RAD54B: variants seen among roughly 807,000 people sequenced by gnomAD.
The protein encoded by RAD54B is DNA repair and recombination protein RAD54B.
A neutral mutation model predicts 95.8 loss-of-function variants in RAD54B; 78 were observed. That is an observed-to-expected ratio of 0.81 (90% confidence interval 0.68 to 0.98). The LOEUF (loss-of-function observed/expected upper bound fraction) is 0.98, where lower values mean the gene tolerates loss of function less well. Ranked by LOEUF, RAD54B falls within the 50% of genes least tolerant of loss-of-function variation. The probability of loss-of-function intolerance (pLI) is 0.00; values close to 1 mark genes in which losing one functional copy is unlikely to be tolerated. For missense variants in RAD54B, 957 were observed against 1,056.6 expected (o/e 0.91, Z 1.31); for synonymous variants, 328 against 354.9 (o/e 0.92, Z 0.85).
chr8:94,446,202 TA>T (rs1218759184), intron 3 of RAD54B, among the ~76,000 whole-genome samples: 1 of 152,034 alleles, frequency 6.6e-6, no homozygotes, highest in Non-Finnish European at 1.5e-5. Flanking sequence ...AATTGTGGGG[TA>T]GGGGTGATTT....
chr8:94,381,898 G>T (rs1438025150), intron 11 of RAD54B, among the ~76,000 whole-genome samples: 2 of 152,128 alleles, frequency 1.3e-5, no homozygotes, highest in East Asian at 3.9e-4. Context: ...CGGATCACAA[G>T]GTCAGAAGAT....
chr8:94,372,647 T>G (rs556763336), intron 14 of RAD54B, among the ~76,000 whole-genome samples: 1 of 152,138 alleles, frequency 6.6e-6, no homozygotes, highest in Non-Finnish European at 1.5e-5. Context: ...GGGAGAGATA[T>G]ACATTAAATA....
rs757913367 is a variant in RAD54B, at chr8:94,378,609, C to T, written c.2273G>A (p.Gly758Asp). 5.0e-6 allele frequency: 8 copies of T among 1,610,160 alleles called. No homozygotes were observed. In the Middle Eastern group the frequency reaches 1.2e-3, roughly 233 times the overall value. ...GTAAATATGTACAGGATATTTCTGA[C>T]CATCTCTCCATACTCTAGACATTGC... is the stretch of plus-strand genomic sequence containing the variant. ...IQAMSRVWRD[G>D]QKYPVHIYRL... The change falls in exon 13 of 15, where the codon GGT becomes GAT. Residue 758 changes from glycine to aspartate, a missense_variant. Transcript: ENST00000336148.
At chr8:94,419,223 A>C (rs975060936) in intron 3 of RAD54B, among the ~76,000 whole-genome samples, 3 of 152,212 alleles carry the variant, frequency 2.0e-5, no homozygotes, top group African/African-American at 7.2e-5. Context: ...AAATTAAAGC[A>C]AAAAGGTTGG....
chr8:94,428,587 G>T (rs554929401), intron 3 of RAD54B: 5 of 406,768 alleles, frequency 1.2e-5, no homozygotes, highest in Non-Finnish European at 1.7e-5. Context: ...CTGGGGATTA[G>T]CCCAACTCCT....
chr8:94,372,113 T>C lies in RAD54B; in HGVS notation c.*57A>G, dbSNP rs1206876740. 1 of 1,516,204 alleles carries C rather than the reference T, an allele frequency of 6.6e-7. No homozygotes were observed. Among genetic ancestry groups the C allele is most frequent in the African/African-American group, 1.4e-5 (1 of 70,682 alleles). 93.9% of individuals were successfully genotyped at this position (1,516,204 alleles called of 1,614,324 possible). ...TCTATTAATTTTCAAAAAGTACATT[T>C]AATTACCATACTAATTTTCAAAAGA... On this transcript the variant is annotated 3_prime_UTR_variant, in exon 15 of 15. Transcript: ENST00000336148.
rs114074465 is a variant in RAD54B, at chr8:94,387,030, A to G, written c.1939T>C (p.Leu647=). ...TGGATAACCGCTAAGAGCTTGGACA[A>G]CACCTGTAGTTTTCCTGACTCCTTT... ...TEKESGKLQV[L]SKLLAVIHEL... Residue 647 remains leucine, a synonymous_variant, in exon 11 of 15, where the codon TTG becomes CTG. Transcript: ENST00000336148. 1 of 1,611,844 alleles carries G rather than the reference A, an allele frequency of 6.2e-7. No homozygotes were observed. Among genetic ancestry groups the G allele is most frequent in the African/African-American group, 1.3e-5 (1 of 74,894 alleles).
At chr8:94,377,794 G>C (rs1810627614) in intron 14 of RAD54B, among the ~76,000 whole-genome samples, 1 of 146,912 alleles carries the variant, frequency 6.8e-6, no homozygotes, top group Non-Finnish European at 1.5e-5. Context: ...GGCTAACACG[G>C]TGAAACCCCG....
At chr8:94,411,708 CAA>C (rs1811533562) in intron 3 of RAD54B, among the ~76,000 whole-genome samples, 1 of 151,756 alleles carries the variant, frequency 6.6e-6, no homozygotes, top group African/African-American at 2.4e-5. Flanking sequence ...TGAGGAAAGG[CAA>C]AGATTACAGA....
chr8:94,422,308 CGG>C (rs1284705881), intron 3 of RAD54B, among the ~76,000 whole-genome samples: 1 of 151,536 alleles, frequency 6.6e-6, no homozygotes, highest in East Asian at 1.9e-4. Context: ...AATTATCAGC[CGG>C]GTGCAGTGGT....
At chr8:94,451,443 T>C (rs1029399385) in intron 3 of RAD54B, among the ~76,000 whole-genome samples, 1 of 152,148 alleles carries the variant, frequency 6.6e-6, no homozygotes, top group Admixed American at 6.5e-5. Context: ...CTAATAAATA[T>C]AGATGGAATG....
At chr8:94,428,858 G>C in intron 3 of RAD54B, 3 of 983,584 alleles carry the variant, frequency 3.1e-6, no homozygotes, top group Non-Finnish European at 3.6e-6. Context: ...ATACAAAAAA[G>C]AAGAAAAAAA....
At position 94,458,367 on chromosome 8, in the gene RAD54B, T is replaced by C. The variant is rs1302926486; in HGVS notation, c.205A>G (p.Ser69Gly). Residue 69 changes from serine (S) to glycine (G), a missense_variant, in exon 3 of 15, where the codon AGT becomes GGT. By Grantham distance (56) the Ser-to-Gly change is moderately conservative. Transcript: ENST00000336148. ...DLRICSLNLP[S>G]EESTREINNR... is the part of the protein sequence containing the mutation. ...TTGATTTCTCTAGTACTTTCTTCAC[T>C]AGGCAGATTTAAACTGCATATTCTA... 6.2e-7 allele frequency: 1 copy of C among 1,608,560 alleles called. No homozygotes were observed. Among genetic ancestry groups the C allele is most frequent in the Non-Finnish European group, 8.5e-7 (1 of 1,177,808 alleles).
chr8:94,461,160 CTTTTTTTT>C (rs57563259), intron 2 of RAD54B, among the ~76,000 whole-genome samples: 2 of 59,976 alleles, frequency 3.3e-5, no homozygotes, highest in South Asian at 6.6e-4. Flanking sequence ...AAATACTCAT[CTTTTTTTT>C]TTTTTTTTTT....
intron 2 of RAD54B, among the ~76,000 whole-genome samples, chr8:94,462,518 A>G (rs755413409): frequency 6.6e-6 from 1 of 152,160 alleles, no homozygotes; most frequent in Non-Finnish European, 1.5e-5. Context: ...ATCCATTAGT[A>G]TATTTCTTTT....
chr8:94,432,623 G>A (rs1326769244), intron 3 of RAD54B: 1 of 1,545,006 alleles, frequency 6.5e-7, no homozygotes, highest in African/African-American at 1.4e-5. Context: ...GTAGTGAACT[G>A]GTACCAGCCT....
chr8:94,401,000 A>T (rs1413268310), intron 6 of RAD54B, among the ~76,000 whole-genome samples: 2 of 152,210 alleles, frequency 1.3e-5, no homozygotes, highest in Non-Finnish European at 2.9e-5. Context: ...GTTATCCTAC[A>T]GACCTACTGT....
intron 3 of RAD54B, among the ~76,000 whole-genome samples, chr8:94,440,915 G>A (rs1000290325): frequency 5.9e-5 from 9 of 152,180 alleles, no homozygotes; most frequent in Non-Finnish European, 1.2e-4. Context: ...ACAAGGAAGT[G>A]AAATCAAAGA....
At chr8:94,445,889 T>C (rs1353336827) in intron 3 of RAD54B, among the ~76,000 whole-genome samples, 1 of 152,158 alleles carries the variant, frequency 6.6e-6, no homozygotes, top group African/African-American at 2.4e-5. Context: ...GTACTCATAT[T>C]TGAAACTTTA....
Sources: allele counts gnomAD v4.1 joint callset (sites outside exome capture counted in the v4.1 genomes callset), GRCh38; gene constraint gnomAD v4.1.1; transcripts MANE v1.5; gene names NCBI Gene and HGNC (gene_info 2026-07-23, HGNC 2026-07-21).